THSD7B: variants seen among roughly 807,000 people sequenced by gnomAD.
THSD7B encodes the protein thrombospondin type 1 domain containing 7B, also known as thrombospondin type-1 domain-containing protein 7B.
THSD7B carries 138 observed loss-of-function variants against 213.6 expected under a neutral mutation model. The observed-to-expected ratio is 0.65, with a 90% CI of 0.56 to 0.74. The LOEUF is 0.74. Among genes scored for constraint, THSD7B ranks in the 30% least tolerant of loss-of-function variants. The pLI is 0.00. For synonymous variants in THSD7B, 742 were observed against 687.0 expected (o/e 1.08, Z -1.25); for missense variants, 1,931 against 1,991.5 (o/e 0.97, Z 0.58).
chr2:137,522,902 T>C (rs545705382), intron 15 of THSD7B, among the ~76,000 whole-genome samples: 1 of 152,362 alleles, frequency 6.6e-6, no homozygotes, highest in Admixed American at 6.5e-5. Flanking sequence ...GTTGTTTACC[T>C]GCCTGATGGC....
chr2:136,808,018 T>C (rs547195841), intron 1 of THSD7B, among the ~76,000 whole-genome samples: 49 of 152,328 alleles, frequency 3.2e-4, no homozygotes, highest in African/African-American at 1.2e-3. Context: ...TTAAGCTAAA[T>C]AGGACTTCCT....
At chr2:137,183,312 A>G (rs543379810) in intron 7 of THSD7B, among the ~76,000 whole-genome samples, 31 of 152,280 alleles carry the variant, frequency 2.0e-4, no homozygotes, top group African/African-American at 6.3e-4. Context: ...CACAAATTAG[A>G]AATTTAACAC....
chr2:137,195,234 G>GTA (rs148274457), intron 7 of THSD7B, among the ~76,000 whole-genome samples: 5,260 of 146,010 alleles, frequency 0.036, 115 homozygotes, highest in African/African-American at 0.066. Flanking sequence ...ATGTATGTGT[G>GTA]TATATATATA....
At chr2:136,822,658 C>A (rs1239030134) in intron 1 of THSD7B, among the ~76,000 whole-genome samples, 1 of 152,092 alleles carries the variant, frequency 6.6e-6, no homozygotes, top group Non-Finnish European at 1.5e-5. Context: ...TTAAAATATG[C>A]ATAAATTCAT....
intron 12 of THSD7B, among the ~76,000 whole-genome samples, chr2:137,339,102 T>C (rs926044001): frequency 6.6e-6 from 1 of 151,964 alleles, no homozygotes; most frequent in African/African-American, 2.4e-5. Context: ...TAAATACATT[T>C]TTTTCTGAAT....
intron 2 of THSD7B, among the ~76,000 whole-genome samples, chr2:137,007,736 CA>C (rs1686144728): frequency 6.6e-6 from 1 of 152,068 alleles, no homozygotes. Context: ...TTAAGGTATA[CA>C]ACAGTAATGT....
chr2:136,912,314 T>C, intron 2 of THSD7B, among the ~76,000 whole-genome samples: 1 of 94,940 alleles, frequency 1.1e-5, no homozygotes. Flanking sequence ...AGAGCGAGAC[T>C]CCATCTCAAA....
chr2:136,773,386 G>A (rs899155401), intron 1 of THSD7B, among the ~76,000 whole-genome samples: 1 of 151,944 alleles, frequency 6.6e-6, no homozygotes, highest in African/African-American at 2.4e-5. Flanking sequence ...AGCAGTACAG[G>A]TCCTTAGAAA....
chr2:137,641,591 G>T lies in THSD7B; in HGVS notation c.3800-897G>T, dbSNP rs549721356. Among the ~76,000 whole-genome samples, 4 of 152,344 alleles carry T rather than the reference G, an allele frequency of 2.6e-5. No individual in the cohort carries two copies. The East Asian group carries it at 7.7e-4, about 29-fold the overall frequency. On this transcript the variant is annotated intron_variant, in intron 20 of 27. Transcript: ENST00000409968. Reference sequence around the variant, plus strand: ...AAAGAACAAGAGTAGGAAAGAGAGAGTGAGAGTGAAAGAGTACAAGAGAAA... The same window carrying T: ...AAAGAACAAGAGTAGGAAAGAGAGATTGAGAGTGAAAGAGTACAAGAGAAA...
intron 2 of THSD7B, among the ~76,000 whole-genome samples, chr2:136,957,447 T>C (rs1436473033): frequency 6.6e-6 from 1 of 152,004 alleles, no homozygotes; most frequent in Non-Finnish European, 1.5e-5. Context: ...GTTTTTTTTT[T>C]TTTTTCTTGC....
At chr2:136,984,924 A>G (rs2104810723) in intron 2 of THSD7B, among the ~76,000 whole-genome samples, 1 of 152,248 alleles carries the variant, frequency 6.6e-6, no homozygotes, top group East Asian at 1.9e-4. Context: ...TTAGCAGAGA[A>G]CTTAGCTGCC....
At chr2:136,884,780 T>A (rs1374338790) in intron 2 of THSD7B, among the ~76,000 whole-genome samples, 1 of 152,204 alleles carries the variant, frequency 6.6e-6, no homozygotes, top group Non-Finnish European at 1.5e-5. Flanking sequence ...TTAGCATTTT[T>A]ATTTAATAAA....
At chr2:137,439,188 T>C (rs1253431764) in intron 14 of THSD7B, among the ~76,000 whole-genome samples, 1 of 152,118 alleles carries the variant, frequency 6.6e-6, no homozygotes, top group Admixed American at 6.5e-5. Context: ...TTTTTTCTTT[T>C]TTTAAACTAC....
intron 5 of THSD7B, among the ~76,000 whole-genome samples, chr2:137,134,303 T>G (rs1404205076): frequency 6.6e-6 from 1 of 152,164 alleles, no homozygotes; most frequent in Admixed American, 6.6e-5. Flanking sequence ...GAGTTTTAAT[T>G]TTTTTTCATA....
chr2:137,110,669 T>C (rs1005313848), intron 4 of THSD7B, among the ~76,000 whole-genome samples: 1 of 152,208 alleles, frequency 6.6e-6, no homozygotes, highest in Admixed American at 6.5e-5. Context: ...AGTTATCTTT[T>C]GCATCTTTTA....
chr2:137,393,476 C>A (rs1686094620), intron 12 of THSD7B, among the ~76,000 whole-genome samples: 1 of 149,332 alleles, frequency 6.7e-6, no homozygotes, highest in African/African-American at 2.5e-5. Context: ...CATGTCCCTA[C>A]AAAGCACATG....
intron 1 of THSD7B, among the ~76,000 whole-genome samples, chr2:136,780,934 G>A (rs894462150): frequency 5.9e-5 from 9 of 152,150 alleles, no homozygotes; most frequent in Non-Finnish European, 7.4e-5. Flanking sequence ...GTGGATAGCC[G>A]TAGTGAAGGC....
At chr2:137,052,864 C>T (rs1431671638) in intron 2 of THSD7B, among the ~76,000 whole-genome samples, 5 of 152,132 alleles carry the variant, frequency 3.3e-5, no homozygotes, top group African/African-American at 1.2e-4. Context: ...AGGTCAATTG[C>T]TGAAAGGTCT....
intron 4 of THSD7B, among the ~76,000 whole-genome samples, chr2:137,107,333 C>T (rs1212519222): frequency 2.0e-5 from 3 of 152,104 alleles, no homozygotes; most frequent in Non-Finnish European, 2.9e-5. Context: ...GGGAGTTGAA[C>T]ATTGAGAACA....
Sources: allele counts gnomAD v4.1 joint callset (sites outside exome capture counted in the v4.1 genomes callset), GRCh38; gene constraint gnomAD v4.1.1; transcripts MANE v1.5; gene names NCBI Gene and HGNC (gene_info 2026-07-23, HGNC 2026-07-21).